Variants in PKD1L3 observed in about 807,000 individuals in gnomAD.
PKD1L3 encodes the protein polycystin 1 like 3, transient receptor potential channel interacting, also known as polycystin-1-like protein 3.
A neutral mutation model predicts 184.1 loss-of-function variants in PKD1L3; 239 were observed. The ratio of observed to expected loss-of-function variants is 1.30; its 90% CI spans 1.17 to 1.45. PKD1L3 has a LOEUF of 1.45. PKD1L3 is among the 40% of genes most tolerant of loss of function. The pLI is 0.00. For missense variants in PKD1L3, 2,660 were observed against 2,067.2 expected, an observed-to-expected ratio of 1.29 and a Z score of -5.56; for synonymous variants, 996 against 778.8, an observed-to-expected ratio of 1.28 and a Z score of -4.64.
At position 71,953,009 on chromosome 16, in the gene PKD1L3, C is replaced by T. The variant is rs1294599249; in HGVS notation, c.2894G>A (p.Gly965Glu). The T allele has an allele frequency of 6.5e-7, 1 of 1,548,558 alleles. No individual in the cohort carries two copies. Among genetic ancestry groups the T allele is most frequent in the Admixed American group, 2.0e-5 (1 of 50,552 alleles). Residue 965 changes from glycine to glutamate, a missense_variant, in exon 18 of 30, where the codon GGG becomes GAG. Transcript: ENST00000620267. ...VILFPINLVI[G>E]RLFPLIEPQE... ...TGGCTCAATCAACGGGAAGAGCCGC[C>T]CTATGACAAGATTGATTGGGAAGAG...
chr16:71,967,081 C>G lies in PKD1L3; in HGVS notation c.2465+56G>C, dbSNP rs2039526265. 2.7e-6 allele frequency: 4 copies of G among 1,476,498 alleles called. No homozygotes were observed. In the Admixed American group the frequency reaches 8.9e-5, roughly 33 times the overall value. 91.5% of individuals were successfully genotyped at this position (1,476,498 alleles called of 1,614,324 possible). On this transcript the variant is annotated intron_variant, in intron 15 of 29. Transcript: ENST00000620267. The stretch of plus-strand genomic sequence containing the variant: ...GTGATTTATTGTGGTGATCTTCTTT[C>G]TTCTCTCTTGGATCCACAAAGCAGC...
At chr16:71,969,112 G>A (rs1054608952) in intron 13 of PKD1L3, among the ~76,000 whole-genome samples, 1 of 149,624 alleles carries the variant, frequency 6.7e-6, no homozygotes, top group Non-Finnish European at 1.5e-5. Flanking sequence ...TGTATTTTTA[G>A]TAGAGATGGA....
intron 2 of PKD1L3, among the ~76,000 whole-genome samples, chr16:71,996,278 T>C (rs1165322075): frequency 2.5e-5 from 2 of 79,168 alleles, no homozygotes; most frequent in Admixed American, 1.3e-4. Flanking sequence ...TTTTTTTTTT[T>C]CTGAGACGGA....
At chr16:71,989,354 T>A (rs1258177132) in intron 4 of PKD1L3, among the ~76,000 whole-genome samples, 1 of 152,238 alleles carries the variant, frequency 6.6e-6, no homozygotes, top group Non-Finnish European at 1.5e-5. Context: ...GGTTTCACCA[T>A]GTTGGCCAGG....
chr16:71,934,145 C>G lies in PKD1L3; in HGVS notation c.4614-20G>C, dbSNP rs1198520702. The G allele has an allele frequency of 1.3e-6, 2 of 1,550,520 alleles. No homozygotes were observed. Among genetic ancestry groups the G allele is most frequent in the Non-Finnish European group, 1.7e-6 (2 of 1,146,306 alleles). ...ATGAATCTGCACCAAGGAAAGCTGA[C>G]AGTTACTCAGCAAGAAGTATGTGCC... On this transcript the variant is annotated intron_variant, in intron 26 of 29. Coordinates refer to ENST00000620267, the MANE Select transcript of PKD1L3 (RefSeq NM_181536.2).
At chr16:71,945,191 T>A (rs986127266) in intron 22 of PKD1L3, among the ~76,000 whole-genome samples, 2 of 146,490 alleles carry the variant, frequency 1.4e-5, no homozygotes, top group African/African-American at 5.0e-5. Context: ...CAGATTTTAA[T>A]GTGCATAGGA....
chr16:71,934,341 T>G (rs2038100011), intron 26 of PKD1L3, among the ~76,000 whole-genome samples: 2 of 152,188 alleles, frequency 1.3e-5, no homozygotes, highest in Admixed American at 1.3e-4. Flanking sequence ...TGCTGCAGAT[T>G]GCACTGGGAG....
rs989085414 is a variant in PKD1L3 at position 71,967,389 on chromosome 16, G to A, written c.2287-74C>T. The A allele has an allele frequency of 1.9e-5, 26 of 1,377,790 alleles. No homozygotes were observed. In the East Asian group the frequency reaches 5.5e-4, roughly 29 times the overall value. 85.3% of individuals were successfully genotyped at this position (1,377,790 alleles called of 1,614,324 possible). On this transcript the variant is annotated intron_variant, in intron 14 of 29. Transcript: ENST00000620267. The stretch of plus-strand genomic sequence containing the variant: ...CTTTGGGTTTATCCCTAAGGAGAAA[G>A]ACGAAGACATAGAAAACTATTTAGA...
In PKD1L3 at chr16:71,997,928, C is replaced by A. The variant is rs142468621; in HGVS notation, c.418+344G>T. The stretch of plus-strand genomic sequence containing the variant: ...TTCCTCTGCCTTATTCTCTTCTCCT[C>A]CTTCTCTTTCCCATCCTTCCCTCTG... On this transcript the variant is annotated intron_variant, in intron 2 of 29. Coordinates refer to ENST00000620267, the MANE Select transcript of PKD1L3 (RefSeq NM_181536.2). Among the ~76,000 whole-genome samples, 531 of 152,282 alleles carry A rather than the reference C, an allele frequency of 3.5e-3. 1 individual carries two copies. Among genetic ancestry groups the A allele is most frequent in the Admixed American group, 5.0e-3 (76 of 15,286 alleles).
intron 26 of PKD1L3, among the ~76,000 whole-genome samples, chr16:71,934,921 G>A (rs1457464346): frequency 1.3e-5 from 2 of 152,188 alleles, no homozygotes; most frequent in Non-Finnish European, 2.9e-5. Flanking sequence ...GGTGCCCAAA[G>A]AGGCACCAAA....
At position 71,943,929 on chromosome 16, in the gene PKD1L3, A is replaced by G. The variant is rs192545085; in HGVS notation, c.3859+101T>C. On this transcript the variant is annotated intron_variant, in intron 23 of 29. Coordinates refer to ENST00000620267, the MANE Select transcript of PKD1L3 (RefSeq NM_181536.2). ...TCACAGGGTGAAGATTTTAAAAGAC[A>G]GCTTTTTAACCCTTCTTTATTTTCC... is the stretch of plus-strand genomic sequence containing the variant. The G allele has an allele frequency of 4.1e-5, 55 of 1,334,664 alleles. No individual in the cohort carries two copies. The Admixed American group carries it at 1.1e-3, about 26-fold the overall frequency. 82.7% of individuals were successfully genotyped at this position (1,334,664 alleles called of 1,614,324 possible).
At chr16:71,978,147 G>A (rs1468375433) in intron 10 of PKD1L3, 108 bp downstream of exon 10, 1 of 1,255,940 alleles carries the variant, frequency 8.0e-7, no homozygotes, top group Non-Finnish European at 1.1e-6. Flanking sequence ...ACAAAACAAT[G>A]GCACTGCCAT....
At chr16:71,945,341 CATAT>C (rs1214097234) in intron 22 of PKD1L3, among the ~76,000 whole-genome samples, 1 of 104,208 alleles carries the variant, frequency 9.6e-6, no homozygotes, top group Non-Finnish European at 1.9e-5. Flanking sequence ...CACACACACA[CATAT>C]ATTTATATAT....
intron 10 of PKD1L3, among the ~76,000 whole-genome samples, chr16:71,978,040 C>T (rs553867559): frequency 6.6e-6 from 1 of 152,224 alleles, no homozygotes; most frequent in African/African-American, 2.4e-5. Context: ...TCCCAAAGTG[C>T]TGGGATTACA....
chr16:71,993,352 CAAGTT>C lies in PKD1L3; in HGVS notation c.419-25_419-21del. The C allele has an allele frequency of 6.9e-7, 1 of 1,455,262 alleles. No homozygotes were observed. The highest frequency in any genetic ancestry group is 9.4e-7 in the Non-Finnish European group (1 of 1,065,518). 90.1% of individuals were successfully genotyped at this position (1,455,262 alleles called of 1,614,324 possible). On this transcript the variant is annotated intron_variant, in intron 2 of 29. Coordinates refer to ENST00000620267, the MANE Select transcript of PKD1L3 (RefSeq NM_181536.2). ...AGTCACCTATTTGAAAGCCAACACA[CAAGTT>C]AATTTATAGGTTATAGCTATGGCTA...
intron 16 of PKD1L3, among the ~76,000 whole-genome samples, chr16:71,959,726 TAGAAG>T (rs1261939028): frequency 1.4e-4 from 21 of 151,956 alleles, no homozygotes; most frequent in Non-Finnish European, 2.6e-4. Flanking sequence ...TAAAAAGAAT[TAGAAG>T]AGGAAGAAGA....
rs2038089861 is a variant in PKD1L3 at position 71,934,097 on chromosome 16, C to G, written c.4642G>C (p.Val1548Leu). ...RFISFYEAVK[V>L]NSAATHLVGF... ...ACAAGGTGAGTCGCAGCAGAGTTCA[C>G]TTTTACTGCCTCATAGAAGCTGATG... Residue 1548 changes from valine to leucine, a missense_variant, in exon 27 of 30, where the codon GTG (valine) becomes CTG (leucine). By Grantham distance (32) the Val-to-Leu change is conservative (BLOSUM62 1). Transcript: ENST00000620267. 6.4e-7 allele frequency: 1 copy of G among 1,551,764 alleles called. No individual in the cohort carries two copies. Among genetic ancestry groups the G allele is most frequent in the African/African-American group, 1.4e-5 (1 of 73,020 alleles).
At chr16:71,936,007 G>A (rs2038162300) in intron 25 of PKD1L3, among the ~76,000 whole-genome samples, 1 of 151,684 alleles carries the variant, frequency 6.6e-6, no homozygotes, top group South Asian at 2.1e-4. Context: ...TTTTGCCCAG[G>A]CTAGTCTTGA....
Position 71,943,011 on chromosome 16 carries a change from G to A in PKD1L3, c.3873C>T (p.Phe1291=). Residue 1291 remains phenylalanine, a synonymous_variant, in exon 24 of 30, where the codon TTC becomes TTT. Transcript: ENST00000620267. ...AGATTGCAGTCATCAACAGGGTAAG[G>A]AAGAGGATTTGTACTTGTTTAGAAG... ...LTGDILVQIL[F]LTLLMTAIYS... is the part of the protein sequence containing the mutation. 2 of 1,549,902 alleles carry A rather than the reference G, an allele frequency of 1.3e-6. No homozygotes were observed. Among genetic ancestry groups the A allele is most frequent in the Non-Finnish European group, 1.7e-6 (2 of 1,145,594 alleles).
Sources: gnomAD v4.1 joint callset for allele counts (sites outside exome capture counted in the v4.1 genomes callset) on GRCh38, gnomAD v4.1.1 for gene constraint, MANE v1.5 for transcripts, NCBI Gene and HGNC (gene_info 2026-07-23, HGNC 2026-07-21) for gene names.